SH3GL2: variants seen among roughly 807,000 people sequenced by gnomAD.
SH3GL2 encodes the protein endophilin-A1.
Under a neutral mutation model 46.0 loss-of-function variants are expected in SH3GL2, and 24 were observed. That is an observed-to-expected ratio of 0.52 (90% confidence interval 0.38 to 0.73). The LOEUF (loss-of-function observed/expected upper bound fraction) is 0.73, where lower values mean the gene tolerates loss of function less well. Among genes scored for constraint, SH3GL2 ranks in the 30% least tolerant of loss-of-function variants. The pLI, the probability that SH3GL2 is intolerant of heterozygous loss-of-function variation, is 0.00. For missense variants in SH3GL2, 413 were observed against 424.2 expected, an observed-to-expected ratio of 0.97 and a Z score of 0.23; for synonymous variants, 196 against 147.1, an observed-to-expected ratio of 1.33 and a Z score of -2.40.
chr9:17,717,379 A>G (rs1023032389), intron 1 of SH3GL2, among the ~76,000 whole-genome samples: 3 of 152,106 alleles, frequency 2.0e-5, no homozygotes, highest in African/African-American at 7.2e-5. Flanking sequence ...TGTCTAGCAA[A>G]GTCATATGAA....
chr9:17,729,431 G>T (rs567056310), intron 1 of SH3GL2, among the ~76,000 whole-genome samples: 1 of 152,202 alleles, frequency 6.6e-6, no homozygotes, highest in African/African-American at 2.4e-5. Flanking sequence ...CATTCTGATA[G>T]TTTCTTTTGC....
intron 2 of SH3GL2, among the ~76,000 whole-genome samples, chr9:17,755,102 G>T (rs768936776): frequency 2.6e-4 from 39 of 152,272 alleles, no homozygotes; most frequent in Non-Finnish European, 4.7e-4. Flanking sequence ...TGCCCATTCA[G>T]TATGATGTTG....
At chr9:17,681,105 C>T (rs561169780) in intron 1 of SH3GL2, among the ~76,000 whole-genome samples, 3 of 152,134 alleles carry the variant, frequency 2.0e-5, no homozygotes, top group African/African-American at 7.2e-5. Flanking sequence ...TTTAACTACC[C>T]ATGCTTCTAG....
intron 1 of SH3GL2, among the ~76,000 whole-genome samples, chr9:17,596,339 A>C (rs1818570510): frequency 6.6e-6 from 1 of 152,004 alleles, no homozygotes; most frequent in Non-Finnish European, 1.5e-5. Context: ...CTTTTAAATG[A>C]AGATTTTTTT....
At chr9:17,654,608 A>G (rs778511943) in intron 1 of SH3GL2, among the ~76,000 whole-genome samples, 7 of 152,220 alleles carry the variant, frequency 4.6e-5, no homozygotes, top group Admixed American at 1.3e-4. Flanking sequence ...TTTATCATCT[A>G]TCTATATCAT....
At chr9:17,696,880 AT>A (rs1285246315) in intron 1 of SH3GL2, among the ~76,000 whole-genome samples, 6 of 152,172 alleles carry the variant, frequency 3.9e-5, no homozygotes, top group African/African-American at 1.4e-4. Context: ...TGCATAGCAT[AT>A]CCATAACCCT....
chr9:17,647,535 CTG>C (rs1265732587), intron 1 of SH3GL2, among the ~76,000 whole-genome samples: 7 of 152,144 alleles, frequency 4.6e-5, no homozygotes, highest in Admixed American at 4.6e-4. Flanking sequence ...GTTCTTAAGT[CTG>C]TAACATACAA....
intron 1 of SH3GL2, among the ~76,000 whole-genome samples, chr9:17,680,039 T>G (rs1360253973): frequency 6.6e-6 from 1 of 152,214 alleles, no homozygotes; most frequent in African/African-American, 2.4e-5. Flanking sequence ...GCCAGTATTT[T>G]ATTGAGGATT....
chr9:17,719,633 A>C (rs575564900), intron 1 of SH3GL2, among the ~76,000 whole-genome samples: 2 of 152,044 alleles, frequency 1.3e-5, no homozygotes, highest in African/African-American at 4.8e-5. Flanking sequence ...CTACCAAAAA[A>C]TAAAAAAAAT....
At chr9:17,780,470 T>C (rs1390405727) in intron 3 of SH3GL2, among the ~76,000 whole-genome samples, 1 of 74,644 alleles carries the variant, frequency 1.3e-5, no homozygotes, top group Admixed American at 1.3e-4. Flanking sequence ...AATAGCACAG[T>C]TTTTTTTTTT....
chr9:17,761,573 A>G (rs757165267), intron 3 of SH3GL2, 64 bp downstream of exon 3: 8 of 1,005,432 alleles, frequency 8.0e-6, no homozygotes, highest in East Asian at 7.1e-5. Flanking sequence ...TCTTTGATAG[A>G]CATTTTAAGT....
intron 1 of SH3GL2, among the ~76,000 whole-genome samples, chr9:17,718,551 C>T (rs1024952125): frequency 7.9e-5 from 12 of 152,056 alleles, no homozygotes; most frequent in Admixed American, 2.0e-4. Flanking sequence ...GGTGAAATCC[C>T]ATCTCTACCA....
In SH3GL2 at chr9:17,634,574, T is replaced by G. The variant is rs1359843744; in HGVS notation, c.45+55287T>G. On this transcript the variant is annotated intron_variant, in intron 1 of 8. Transcript: ENST00000380607. ...AGCTTCTTGTTCTTGGTTCTACTAC[T>G]AAATTTTTTGACTTGGGCAAATCAT... Among the ~76,000 whole-genome samples the G allele has an allele frequency of 2.6e-5, 4 of 152,358 alleles. No homozygotes were observed. In the East Asian group the frequency reaches 7.7e-4, roughly 29 times the overall value.
intron 1 of SH3GL2, among the ~76,000 whole-genome samples, chr9:17,626,726 G>A (rs945855884): frequency 6.6e-6 from 1 of 152,128 alleles, no homozygotes; most frequent in African/African-American, 2.4e-5. Context: ...ATAGCTTTCT[G>A]CAGATTCTTG....
chr9:17,634,488 A>T (rs1819499356), intron 1 of SH3GL2, among the ~76,000 whole-genome samples: 1 of 152,154 alleles, frequency 6.6e-6, no homozygotes, highest in Non-Finnish European at 1.5e-5. Flanking sequence ...TCTGAAATAT[A>T]TGCCTCTTTT....
chr9:17,626,492 A>G (rs545593670), intron 1 of SH3GL2, among the ~76,000 whole-genome samples: 118 of 152,254 alleles, frequency 7.8e-4, no homozygotes, highest in African/African-American at 2.8e-3. Context: ...TTTTCTTAAA[A>G]TCTTCATGCT....
chr9:17,707,668 G>C (rs1378230207), intron 1 of SH3GL2, among the ~76,000 whole-genome samples: 1 of 151,992 alleles, frequency 6.6e-6, no homozygotes, highest in Non-Finnish European at 1.5e-5. Context: ...TTCCTTTTCT[G>C]GATGAAACTA....
At chr9:17,705,391 G>A (rs187853133) in intron 1 of SH3GL2, among the ~76,000 whole-genome samples, 2 of 152,018 alleles carry the variant, frequency 1.3e-5, no homozygotes, top group Non-Finnish European at 2.9e-5. Flanking sequence ...CCCATATTGG[G>A]TATATTCCTA....
At chr9:17,610,335 C>A (rs1339509516) in intron 1 of SH3GL2, among the ~76,000 whole-genome samples, 2 of 152,064 alleles carry the variant, frequency 1.3e-5, no homozygotes, top group Admixed American at 1.3e-4. Flanking sequence ...GGGCTCAGAT[C>A]CTCTTTATGT....
Sources: allele counts gnomAD v4.1 joint callset (sites outside exome capture counted in the v4.1 genomes callset), GRCh38; gene constraint gnomAD v4.1.1; transcripts MANE v1.5; gene names NCBI Gene and HGNC (gene_info 2026-07-23, HGNC 2026-07-21).